The following RMDN2 variants were observed in gnomAD, a reference collection of about 807,000 sequenced individuals.
RMDN2 encodes regulator of microtubule dynamics 2.
Under a neutral mutation model 52.8 loss-of-function variants are expected in RMDN2, and 61 were observed. The ratio of observed to expected loss-of-function variants is 1.16; its 90% confidence interval spans 0.94 to 1.43. The LOEUF (loss-of-function observed/expected upper bound fraction) is 1.43, where lower values mean the gene tolerates loss of function less well. Among genes scored for constraint, RMDN2 ranks in the 40% most tolerant of loss-of-function variants. RMDN2 has a pLI of 0.00. For synonymous variants in RMDN2, 180 were observed against 153.1 expected (o/e 1.18, Z -1.30); for missense variants, 592 against 475.3 (o/e 1.25, Z -2.28).
At chr2:38,036,854 TG>T (rs1205441523) in intron 10 of RMDN2, 1 of 152,238 alleles carries the variant, frequency 6.6e-6, no homozygotes, top group African/African-American at 2.4e-5. Context: ...TAAAATCTGA[TG>T]GGAAAGTAAC....
chr2:38,047,831 C>T (rs1300650565), intron 10 of RMDN2, among the ~76,000 whole-genome samples: 1 of 152,188 alleles, frequency 6.6e-6, no homozygotes, highest in South Asian at 2.1e-4. Flanking sequence ...TGTGGCTCTT[C>T]TTTCTCTTTT....
intron 2 of RMDN2, chr2:37,950,352 G>A: frequency 8.3e-7 from 1 of 1,211,710 alleles, no homozygotes; most frequent in African/African-American, 1.5e-5. Context: ...ACAGCCATGT[G>A]AATTCCAACT....
In RMDN2 at chr2:37,984,847, A is replaced by G. The variant is rs771898317; in HGVS notation, c.791+3504A>G. ...ATTTCCATCAGCCTGAGTATTTGAG[A>G]AAAAAAAATAAAATTAAGTATTTTA... On this transcript the variant is annotated intron_variant, in intron 5 of 10. Transcript: ENST00000354545. Among the ~76,000 whole-genome samples the G allele has an allele frequency of 2.9e-3, 345 of 119,194 alleles. 1 individual carries two copies. The highest frequency in any genetic ancestry group is 7.6e-3 in the Admixed American group (86 of 11,264). The allele number at this position is 119,194 out of a possible 152,430, so 78.2% of individuals were successfully genotyped here. A position where few individuals can be genotyped will look rare whatever the true frequency, so the allele number is the denominator to read the frequency against.
At chr2:38,020,056 C>T (rs913043715), downstream of RMDN2, among the ~76,000 whole-genome samples, 1 of 152,104 alleles carries the variant, frequency 6.6e-6, no homozygotes, top group Non-Finnish European at 1.5e-5. Flanking sequence ...GTGTGCTATA[C>T]AGCAGTGGTC....
At chr2:38,038,928 G>C (rs1680771032) in intron 10 of RMDN2, among the ~76,000 whole-genome samples, 2 of 151,908 alleles carry the variant, frequency 1.3e-5, no homozygotes, top group Admixed American at 6.6e-5. Context: ...TTCCCATAGA[G>C]GTGTACCGCC....
chr2:38,019,348 C>A (rs1007363947), downstream of RMDN2, among the ~76,000 whole-genome samples: 2 of 152,128 alleles, frequency 1.3e-5, no homozygotes, highest in African/African-American at 2.4e-5. Context: ...GACATAAGAT[C>A]TAATCAGTGT....
intron 10 of RMDN2, among the ~76,000 whole-genome samples, chr2:38,064,498 A>G (rs1682189099): frequency 2.6e-5 from 4 of 152,102 alleles, no homozygotes; most frequent in Admixed American, 2.6e-4. Context: ...TCAAAAAAAA[A>G]AAGAAAGAAA....
At chr2:38,028,047 C>G (rs1012083821) in intron 10 of RMDN2, 7 of 152,162 alleles carry the variant, frequency 4.6e-5, no homozygotes, top group African/African-American at 7.2e-5. Context: ...TGTTATTTCC[C>G]TTGTGTTCTT....
chr2:38,048,658 C>T (rs575895427), intron 10 of RMDN2, among the ~76,000 whole-genome samples: 1 of 152,194 alleles, frequency 6.6e-6, no homozygotes, highest in Non-Finnish European at 1.5e-5. Context: ...AAAATGACCT[C>T]CGACAAACAA....
At chr2:37,950,486 C>A in intron 2 of RMDN2, 1 of 1,612,310 alleles carries the variant, frequency 6.2e-7, no homozygotes, top group Admixed American at 1.7e-5. Context: ...AGCATTCAGT[C>A]TTCTGACCTG....
At chr2:38,010,252 A>G (rs1052858848) in intron 10 of RMDN2, among the ~76,000 whole-genome samples, 2 of 152,202 alleles carry the variant, frequency 1.3e-5, no homozygotes, top group African/African-American at 4.8e-5. Flanking sequence ...AGACAGGGAC[A>G]TTTAAGTCTG....
At chr2:38,065,375 T>A (rs957313131) in intron 10 of RMDN2, among the ~76,000 whole-genome samples, 2 of 150,504 alleles carry the variant, frequency 1.3e-5, no homozygotes, top group East Asian at 1.9e-4. Context: ...GGAATAAATT[T>A]TAAAAAAAAA....
At chr2:37,978,202 C>G (rs890564879) in intron 4 of RMDN2, among the ~76,000 whole-genome samples, 3 of 151,926 alleles carry the variant, frequency 2.0e-5, no homozygotes, top group Non-Finnish European at 4.4e-5. Context: ...TGCCTGCAAT[C>G]GCAGGTACTT....
chr2:38,043,607 A>G (rs1183381628), intron 10 of RMDN2, among the ~76,000 whole-genome samples: 2 of 151,828 alleles, frequency 1.3e-5, no homozygotes, highest in Non-Finnish European at 2.9e-5. Flanking sequence ...GGCTTTGAGT[A>G]TTTTATATGA....
chr2:38,039,600 C>T (rs1680827861), intron 10 of RMDN2, among the ~76,000 whole-genome samples: 1 of 152,190 alleles, frequency 6.6e-6, no homozygotes, highest in South Asian at 2.1e-4. Flanking sequence ...GCCCTGACTC[C>T]ACCTGGAGAT....
chr2:38,028,341 T>C (rs1484997902), intron 10 of RMDN2, among the ~76,000 whole-genome samples: 1 of 152,234 alleles, frequency 6.6e-6, no homozygotes, highest in Non-Finnish European at 1.5e-5. Context: ...TATTATTATT[T>C]ATTGACTGCA....
chr2:38,066,308 T>C (rs758116535), intron 10 of RMDN2, among the ~76,000 whole-genome samples: 2 of 152,240 alleles, frequency 1.3e-5, no homozygotes, highest in African/African-American at 2.4e-5. Context: ...AAAGCCTGTA[T>C]GTCGCTTAGC....
At position 38,003,997 on chromosome 2, in the gene RMDN2, G is replaced by T; in HGVS notation, c.1051G>T (p.Glu351Ter). 1.2e-6 allele frequency: 2 copies of T among 1,612,128 alleles called. No homozygotes were observed. The highest frequency in any genetic ancestry group is 2.2e-5 in the South Asian group (2 of 91,030). Residue 351 changes from glutamate to a stop codon, truncating the protein, a stop_gained, in exon 9 of 11, where the codon GAA (glutamate) becomes TAA (stop). Coordinates refer to ENST00000354545, the MANE Select transcript of RMDN2 (RefSeq NM_001170791.3). LOFTEE classifies it high-confidence loss of function. ...EALHNFLKAE[E>*]LCPGYSNPNY... Reference sequence around the variant, plus strand: ...TGTTTTTCTCTCAAATCAGGCTGAAGAACTATGCCCTGGTTATTCTAATCC... The same window carrying T: ...TGTTTTTCTCTCAAATCAGGCTGAATAACTATGCCCTGGTTATTCTAATCC...
intron 10 of RMDN2, among the ~76,000 whole-genome samples, chr2:38,042,836 G>A (rs1344300736): frequency 6.6e-6 from 1 of 151,702 alleles, no homozygotes; most frequent in Non-Finnish European, 1.5e-5. Flanking sequence ...TTCATTTTTA[G>A]CTTTATTCCA....
Sources: gnomAD v4.1 joint callset for allele counts (sites outside exome capture counted in the v4.1 genomes callset) on GRCh38, gnomAD v4.1.1 for gene constraint, MANE v1.5 for transcripts, NCBI Gene and HGNC (gene_info 2026-07-23, HGNC 2026-07-21) for gene names.